The following MYO5B variants were observed in gnomAD, a reference collection of about 807,000 sequenced individuals.
The protein encoded by MYO5B is myosin VB.
MYO5B carries 143 observed loss-of-function variants against 229.3 expected under a neutral mutation model. The observed-to-expected ratio is 0.62, with a 90% CI of 0.54 to 0.72. The LOEUF (loss-of-function observed/expected upper bound fraction) is 0.72, where lower values mean the gene tolerates loss of function less well. MYO5B is among the 30% of genes least tolerant of loss of function. The probability of loss-of-function intolerance (pLI) is 0.00; values close to 1 mark genes in which losing one functional copy is unlikely to be tolerated. For synonymous variants in MYO5B, 918 were observed against 885.2 expected (o/e 1.04, Z -0.66); for missense variants, 2,321 against 2,331.0 (o/e 1.00, Z 0.09).
chr18:49,990,445 C>A lies in MYO5B; in HGVS notation c.832G>T (p.Ala278Ser). The change falls in exon 7 of 40, where the codon GCA becomes TCA. Residue 278 changes from alanine (A) to serine (S), a missense_variant. By Grantham distance (99) the Ala-to-Ser change is moderately conservative (BLOSUM62 1). Coordinates refer to ENST00000285039, the MANE Select transcript of MYO5B (RefSeq NM_001080467.3). ...CATGCACCTGTTGACTTACTTAGTG[C>A]AAGCTCTTTAAATTCTGGAAGACCG... ...AAGLPEFKELALTSAEDFFYT... is the reference protein window; with the variant it reads ...AAGLPEFKELSLTSAEDFFYT... The A allele has an allele frequency of 6.2e-7, 1 of 1,613,526 alleles. No homozygotes were observed. The highest frequency in any genetic ancestry group is 1.1e-5 in the South Asian group (1 of 91,066).
At chr18:49,936,215 G>A (rs775056634) in intron 16 of MYO5B, 37 bp downstream of exon 16, 128 of 1,525,152 alleles carry the variant, frequency 8.4e-5, no homozygotes, top group Non-Finnish European at 1.0e-4. Flanking sequence ...AACCTCTAAG[G>A]CTGGGCTGGA....
At chr18:50,139,733 G>A (rs912306214) in intron 1 of MYO5B, among the ~76,000 whole-genome samples, 5 of 152,232 alleles carry the variant, frequency 3.3e-5, no homozygotes, top group Admixed American at 2.0e-4. Context: ...CACATGTCCC[G>A]AGAAGATGCA....
intron 16 of MYO5B, 80 bp downstream of exon 16, chr18:49,936,172 C>T: frequency 8.0e-7 from 1 of 1,256,906 alleles, no homozygotes. Context: ...CCACAGACCC[C>T]CAGGCAAGGC....
chr18:50,030,953 A>ACAC (rs978359877), intron 4 of MYO5B, among the ~76,000 whole-genome samples: 9 of 151,228 alleles, frequency 6.0e-5, no homozygotes, highest in African/African-American at 2.0e-4. Context: ...AAGCAATCAG[A>ACAC]CACCGCCAGC....
At chr18:50,007,238 G>T (rs2026111684) in intron 4 of MYO5B, among the ~76,000 whole-genome samples, 1 of 152,194 alleles carries the variant, frequency 6.6e-6, no homozygotes, top group African/African-American at 2.4e-5. Flanking sequence ...AGTGGCACCA[G>T]TATCTACTCA....
intron 30 of MYO5B, among the ~76,000 whole-genome samples, chr18:49,854,452 G>A (rs2024237034): frequency 6.6e-6 from 1 of 152,220 alleles, no homozygotes; most frequent in African/African-American, 2.4e-5. Flanking sequence ...AAGGCTCACA[G>A]GCAGCCGCAT....
chr18:50,022,528 G>C (rs1209526940), intron 4 of MYO5B, among the ~76,000 whole-genome samples: 1 of 152,152 alleles, frequency 6.6e-6, no homozygotes, highest in Non-Finnish European at 1.5e-5. Context: ...GCAAAGACAA[G>C]GGACAAATGC....
At chr18:50,030,373 C>T (rs1419792401) in intron 4 of MYO5B, among the ~76,000 whole-genome samples, 2 of 152,196 alleles carry the variant, frequency 1.3e-5, no homozygotes, top group African/African-American at 2.4e-5. Context: ...GTCCCGGCAA[C>T]AGAGGACAGC....
At chr18:49,990,754 T>C (rs1000048744) in intron 6 of MYO5B, among the ~76,000 whole-genome samples, 2 of 152,216 alleles carry the variant, frequency 1.3e-5, no homozygotes, top group African/African-American at 2.4e-5. Flanking sequence ...AAAGCATGTA[T>C]GTATTTTCTT....
intron 4 of MYO5B, among the ~76,000 whole-genome samples, chr18:50,036,607 C>CA (rs1478503861): frequency 1.3e-5 from 2 of 151,946 alleles, no homozygotes; most frequent in African/African-American, 4.8e-5. Context: ...TTCCATTGCT[C>CA]AAAAAAATGA....
At chr18:49,893,034 TTC>T (rs1221071683) in intron 22 of MYO5B, among the ~76,000 whole-genome samples, 2 of 152,314 alleles carry the variant, frequency 1.3e-5, no homozygotes, top group South Asian at 2.1e-4. Context: ...GGGAGTCTGC[TTC>T]TCTGTTTTGC....
chr18:49,826,533 G>A lies in MYO5B; in HGVS notation c.5485C>T (p.Leu1829=), dbSNP rs776519992. 1.2e-6 allele frequency: 2 copies of A among 1,614,076 alleles called. No homozygotes were observed. Among genetic ancestry groups the A allele is most frequent in the Non-Finnish European group, 1.7e-6 (2 of 1,179,938 alleles). Residue 1829 remains leucine, a synonymous_variant, in exon 40 of 40, where the codon CTA becomes TTA. Coordinates refer to ENST00000285039, the MANE Select transcript of MYO5B (RefSeq NM_001080467.3). ...PVLFPFNPSS[L]TMDSIHIPAC... ...GGGATGTGGATTGAGTCCATGGTTAGAGAAGATGGATTAAATGGAAACAAA... is the reference window on the plus strand; with the variant it reads ...GGGATGTGGATTGAGTCCATGGTTAAAGAAGATGGATTAAATGGAAACAAA...
intron 16 of MYO5B, among the ~76,000 whole-genome samples, chr18:49,932,312 T>C (rs1037180479): frequency 3.3e-5 from 5 of 152,110 alleles, no homozygotes; most frequent in South Asian, 4.2e-4. Context: ...GAGGGCAGGG[T>C]TGGGGACATC....
At chr18:49,908,021 C>G (rs1293050313) in intron 18 of MYO5B, among the ~76,000 whole-genome samples, 1 of 152,214 alleles carries the variant, frequency 6.6e-6, no homozygotes, top group Non-Finnish European at 1.5e-5. Context: ...GGTTAGGAAG[C>G]CAAAGCACGG....
chr18:49,927,892 G>C (rs982046137), intron 17 of MYO5B, among the ~76,000 whole-genome samples: 15 of 152,216 alleles, frequency 9.9e-5, no homozygotes, highest in African/African-American at 2.9e-4. Flanking sequence ...AAGATAAGTA[G>C]ACGGGACTTA....
At chr18:50,091,784 C>T (rs2031453555) in intron 1 of MYO5B, among the ~76,000 whole-genome samples, 1 of 152,156 alleles carries the variant, frequency 6.6e-6, no homozygotes, top group Non-Finnish European at 1.5e-5. Context: ...GATTTAAATG[C>T]CTATTTGTAA....
intron 4 of MYO5B, among the ~76,000 whole-genome samples, chr18:50,019,337 G>A (rs939537486): frequency 1.1e-4 from 17 of 152,134 alleles, no homozygotes; most frequent in Non-Finnish European, 1.5e-5. Flanking sequence ...GGGTGAGTCG[G>A]CCCCTGCTAC....
At position 50,170,968 on chromosome 18, in the gene MYO5B, C is replaced by A. The variant is rs573161178; in HGVS notation, c.27+23799G>T. On this transcript the variant is annotated intron_variant, in intron 1 of 39. Transcript: ENST00000285039. ...TCAGAAGTGAAGAGCTGCAAAATCC[C>A]GTTACCCCGTGGTGAACCCACACCT... Among the ~76,000 whole-genome samples the A allele has an allele frequency of 3.1e-5, 4 of 127,450 alleles. 1 individual carries two copies. Among genetic ancestry groups the A allele is most frequent in the Non-Finnish European group, 6.7e-5 (4 of 59,786 alleles). The allele number at this position is 127,450 out of a possible 152,430, so 83.6% of individuals were successfully genotyped here.
intron 5 of MYO5B, among the ~76,000 whole-genome samples, chr18:49,998,077 C>A (rs1302433283): frequency 6.6e-6 from 1 of 152,150 alleles, no homozygotes; most frequent in African/African-American, 2.4e-5. Flanking sequence ...TTGGGAAGTG[C>A]AAAAGCCTCT....
Sources: allele counts gnomAD v4.1 joint callset (sites outside exome capture counted in the v4.1 genomes callset), GRCh38; gene constraint gnomAD v4.1.1; transcripts MANE v1.5; gene names NCBI Gene and HGNC (gene_info 2026-07-23, HGNC 2026-07-21).